Variants in PLXNC1 observed in about 807,000 individuals in gnomAD.
The protein encoded by PLXNC1 is plexin-C1.
Under a neutral mutation model 178.2 loss-of-function variants are expected in PLXNC1, and 75 were observed. The observed-to-expected ratio is 0.42, with a 90% confidence interval of 0.35 to 0.51. The LOEUF (loss-of-function observed/expected upper bound fraction) is 0.51, where lower values mean the gene tolerates loss of function less well. PLXNC1 is among the 20% of genes least tolerant of loss of function. The probability of loss-of-function intolerance (pLI) is 0.02; values close to 1 mark genes in which losing one functional copy is unlikely to be tolerated. For missense variants in PLXNC1, 1,503 were observed against 1,984.4 expected (o/e 0.76, Z 4.61); for synonymous variants, 790 against 779.9 (o/e 1.01, Z -0.22).
At chr12:94,256,481 A>T (rs933822377) in intron 17 of PLXNC1, among the ~76,000 whole-genome samples, 2 of 151,112 alleles carry the variant, frequency 1.3e-5, no homozygotes, top group African/African-American at 4.9e-5. Context: ...ATCCTCCAAG[A>T]GTACCGAGGC....
intron 22 of PLXNC1, chr12:94,281,928 A>T (rs1337976843): frequency 4.4e-6 from 1 of 228,504 alleles, no homozygotes; most frequent in Non-Finnish European, 8.8e-6. Context: ...CCCGAACAGG[A>T]GCCTACAGAG....
chr12:94,260,228 T>C lies in PLXNC1; in HGVS notation c.3252-414T>C, dbSNP rs1964956789. Reference sequence around the variant, plus strand: ...GCCACCACACCCAGCTAATGTTTTGTTGTTGTTGTAGTAGAGATGGGGTCT... The same window carrying C: ...GCCACCACACCCAGCTAATGTTTTGCTGTTGTTGTAGTAGAGATGGGGTCT... On this transcript the variant is annotated intron_variant, in intron 19 of 30. Coordinates refer to ENST00000258526, the MANE Select transcript of PLXNC1 (RefSeq NM_005761.3). This position sits in a 1 kb window ranked among gnomAD's most constrained non-coding sequence, Gnocchi z 4.4. Among the ~76,000 whole-genome samples, 1 of 151,988 alleles carries C rather than the reference T, an allele frequency of 6.6e-6. No homozygotes were observed. The highest frequency in any genetic ancestry group is 2.4e-5 in the African/African-American group (1 of 41,384).
chr12:94,303,684 T>C, intron 28 of PLXNC1, 72 bp from the exon 29 acceptor site: 1 of 1,279,134 alleles, frequency 7.8e-7, no homozygotes, highest in Admixed American at 3.1e-5. Context: ...ATATTATAAA[T>C]TCCTCCATCT....
In PLXNC1 at chr12:94,254,635, T is replaced by C. The variant is rs1964789494; in HGVS notation, c.2882-152T>C. The C allele has an allele frequency of 4.2e-6, 3 of 714,188 alleles. No individual in the cohort carries two copies. The South Asian group carries it at 4.5e-5, about 11-fold the overall frequency. 44.2% of individuals were successfully genotyped at this position (714,188 alleles called of 1,614,324 possible). A position where few individuals can be genotyped will look rare whatever the true frequency, so the allele number is the denominator to read the frequency against. ...TTTCTTATAAGATCCAGCTTTTTAATGCTATTTTCTAGTTTCATTCTAGCT... is the reference window on the plus strand; with the variant it reads ...TTTCTTATAAGATCCAGCTTTTTAACGCTATTTTCTAGTTTCATTCTAGCT... On this transcript the variant is annotated intron_variant, in intron 15 of 30. Coordinates refer to ENST00000258526, the MANE Select transcript of PLXNC1 (RefSeq NM_005761.3).
intron 24 of PLXNC1, among the ~76,000 whole-genome samples, chr12:94,296,667 C>G (rs1315225312): frequency 6.6e-6 from 1 of 152,342 alleles, no homozygotes; most frequent in Admixed American, 6.5e-5. Context: ...GACTCTATCT[C>G]TTCATTAGAT....
intron 23 of PLXNC1, among the ~76,000 whole-genome samples, chr12:94,288,331 C>A (rs922638341): frequency 6.6e-6 from 1 of 152,184 alleles, no homozygotes; most frequent in African/African-American, 2.4e-5. Flanking sequence ...GGCATCTGGG[C>A]TCTGACAACT....
intron 23 of PLXNC1, among the ~76,000 whole-genome samples, chr12:94,287,234 G>T (rs1054994108): frequency 2.0e-5 from 3 of 152,212 alleles, no homozygotes; most frequent in East Asian, 3.8e-4. Context: ...GAAGCCAGAG[G>T]AGTCTTTCTC....
At chr12:94,303,701 T>C (rs1968699205) in intron 28 of PLXNC1, 55 bp from the exon 29 acceptor site, 1 of 1,158,244 alleles carries the variant, frequency 8.6e-7, no homozygotes, top group African/African-American at 1.6e-5. Context: ...ATCTTTTTTT[T>C]TTTTTTTTTT....
Position 94,149,534 on chromosome 12 carries a change from C to A in PLXNC1, c.563C>A (p.Pro188Gln). The A allele has an allele frequency of 6.5e-7, 1 of 1,541,424 alleles. No homozygotes were observed. The highest frequency in any genetic ancestry group is 8.7e-7 in the Non-Finnish European group (1 of 1,149,256). The change falls in exon 1 of 31, where the codon CCG (proline) becomes CAG (glutamine). Residue 188 changes from proline (P) to glutamine (Q), a missense_variant. Transcript: ENST00000258526. ...GCCGCCACCTACGTGCTGCCTGAGCCGGAGACGGCGAGCCGCTGCAACCCC... is the reference window on the plus strand; with the variant it reads ...GCCGCCACCTACGTGCTGCCTGAGCAGGAGACGGCGAGCCGCTGCAACCCC... ...AVAATYVLPE[P>Q]ETASRCNPAA...
At chr12:94,153,592 G>A (rs915268578) in intron 1 of PLXNC1, among the ~76,000 whole-genome samples, 1 of 152,224 alleles carries the variant, frequency 6.6e-6, no homozygotes, top group African/African-American at 2.4e-5. Flanking sequence ...CTCCAGACTT[G>A]TTTGGCCACC....
rs1565818048 is a variant in PLXNC1 at position 94,224,214 on chromosome 12, C to T, written c.1703-14C>T. On this transcript the variant is annotated splice_polypyrimidine_tract_variant and intron_variant, in intron 6 of 30. Transcript: ENST00000258526. ...GACTCCACCGTAAATGACATTTTCC[C>T]CCCTTCCCTCCAGATGTTTCAGTTG... is the stretch of plus-strand genomic sequence containing the variant. The T allele has an allele frequency of 6.7e-7, 1 of 1,500,654 alleles. No individual in the cohort carries two copies. Among genetic ancestry groups the T allele is most frequent in the Non-Finnish European group, 9.3e-7 (1 of 1,076,544 alleles). 93.0% of individuals were successfully genotyped at this position (1,500,654 alleles called of 1,614,324 possible).
chr12:94,282,359 T>G lies in PLXNC1; in HGVS notation c.3837T>G (p.Leu1279=). The change falls in exon 23 of 31, where the codon CTT becomes CTG. Residue 1279 remains leucine (L), a synonymous_variant. Transcript: ENST00000258526. ...LLDIDSSSVI[L]EDGITKLNTI... is the part of the protein sequence containing the mutation. ...ACATCGACAGTTCCTCCGTGATTCT[T>G]GAAGATGGAATCACCAAGCTAAACA... 6.2e-7 allele frequency: 1 copy of G among 1,613,864 alleles called. No homozygotes were observed. The highest frequency in any genetic ancestry group is 8.5e-7 in the Non-Finnish European group (1 of 1,179,732).
intron 21 of PLXNC1, among the ~76,000 whole-genome samples, chr12:94,275,447 C>T (rs527249098): frequency 2.0e-4 from 30 of 152,274 alleles, no homozygotes; most frequent in African/African-American, 6.3e-4. Flanking sequence ...TCTGACATGG[C>T]ACAGGCATCT....
At chr12:94,230,051 A>C (rs2136035231) in intron 9 of PLXNC1, among the ~76,000 whole-genome samples, 1 of 152,320 alleles carries the variant, frequency 6.6e-6, no homozygotes, top group Non-Finnish European at 1.5e-5. Context: ...CTCTATCATC[A>C]CAAGGCTCCC....
chr12:94,167,049 T>G (rs543524797), intron 1 of PLXNC1, among the ~76,000 whole-genome samples: 1 of 151,928 alleles, frequency 6.6e-6, no homozygotes, highest in South Asian at 2.1e-4. Context: ...GGACTTACTT[T>G]GAAAAAAAAA....
intron 4 of PLXNC1, among the ~76,000 whole-genome samples, chr12:94,191,770 A>G (rs77170956): frequency 3.5e-5 from 1 of 28,520 alleles, no homozygotes; most frequent in Non-Finnish European, 1.0e-4. Context: ...ACTCCATCTC[A>G]AAAAAAAAAA....
In PLXNC1 at chr12:94,307,064, A is replaced by G. The variant is rs1427567270; in HGVS notation, c.*1779A>G. On this transcript the variant is annotated 3_prime_UTR_variant, in exon 31 of 31. Transcript: ENST00000258526. The stretch of plus-strand genomic sequence containing the variant: ...AAGACTTCCCCTACTACTTTAGGGT[A>G]CTGAAAACTCAAAGGATCAGCTACA... 1 of 152,202 alleles carries G rather than the reference A, an allele frequency of 6.6e-6. No homozygotes were observed. Among genetic ancestry groups the G allele is most frequent in the African/African-American group, 2.4e-5 (1 of 41,428 alleles). The allele number at this position is 152,202 out of a possible 1,614,324, so 9.4% of individuals were successfully genotyped here.
rs543492838 is a variant in PLXNC1, at chr12:94,151,785, A to G, written c.1062+1752A>G. Among the ~76,000 whole-genome samples, 36 of 152,278 alleles carry G rather than the reference A, an allele frequency of 2.4e-4. No homozygotes were observed. In the East Asian group the frequency reaches 6.0e-3, roughly 25 times the overall value. ...TTCTCTTGACTGCGTCTCTCTACCTATTGGGTCCTGGAAGACTCAGTTCCC... is the reference window on the plus strand; with the variant it reads ...TTCTCTTGACTGCGTCTCTCTACCTGTTGGGTCCTGGAAGACTCAGTTCCC... On this transcript the variant is annotated intron_variant, in intron 1 of 30. Transcript: ENST00000258526.
rs1461060433 is a variant in PLXNC1 at position 94,149,772 on chromosome 12, C to A, written c.801C>A (p.Ile267=). 6.2e-7 allele frequency: 1 copy of A among 1,608,934 alleles called. No individual in the cohort carries two copies. Among genetic ancestry groups the A allele is most frequent in the Non-Finnish European group, 8.5e-7 (1 of 1,179,208 alleles). The stretch of plus-strand genomic sequence containing the variant: ...CCGGCTGGCCCAGCATGGCGCGCAT[C>A]GCGCAGAGCACCGAGGTGCTGTTCC... ...AATGWPSMAR[I]AQSTEVLFQG... Residue 267 remains isoleucine, a synonymous_variant, in exon 1 of 31, where the codon ATC becomes ATA. Coordinates refer to ENST00000258526, the MANE Select transcript of PLXNC1 (RefSeq NM_005761.3).
Sources: gnomAD v4.1 joint callset for allele counts (sites outside exome capture counted in the v4.1 genomes callset) on GRCh38, gnomAD v4.1.1 for gene constraint, Gnocchi (gnomAD v3.1) non-coding constraint, MANE v1.5 for transcripts, NCBI Gene and HGNC (gene_info 2026-07-23, HGNC 2026-07-21) for gene names.